Variants in HAL observed in about 807,000 individuals in gnomAD.
The protein encoded by HAL is histidine ammonia-lyase.
A neutral mutation model predicts 81.1 loss-of-function variants in HAL; 85 were observed. That is an observed-to-expected ratio of 1.05 (90% CI 0.88 to 1.25). The LOEUF (loss-of-function observed/expected upper bound fraction) is 1.25, where lower values mean the gene tolerates loss of function less well. HAL is among the 50% of genes most tolerant of loss of function. HAL has a pLI of 0.00. For missense variants in HAL, 798 were observed against 836.6 expected (o/e 0.95, Z 0.57); for synonymous variants, 301 against 309.2 (o/e 0.97, Z 0.28).
Position 95,995,905 on chromosome 12 carries a change from G to T in HAL, c.6C>A (p.Pro2=). Residue 2 remains proline (P), a synonymous_variant, in exon 2 of 21, where the codon CCC becomes CCA. Transcript: ENST00000261208. M[P]RYTVHVRGEW... ...CCCCACGTACGTGCACCGTGTATCT[G>T]GGCATGGCTCCGCTGCAGCCTGAGG... 6.2e-7 allele frequency: 1 copy of T among 1,603,858 alleles called. No individual in the cohort carries two copies.
chr12:95,981,056 T>C (rs1365792084), intron 15 of HAL, among the ~76,000 whole-genome samples, 193 bp from the exon 16 acceptor site: 1 of 152,198 alleles, frequency 6.6e-6, no homozygotes, highest in African/African-American at 2.4e-5. Context: ...AGGTGGATCA[T>C]GTACACCCAA....
At position 95,974,183 on chromosome 12, in the gene HAL, T is replaced by A. The variant is rs1315754208; in HGVS notation, c.*49A>T. 6.4e-7 allele frequency: 1 copy of A among 1,550,742 alleles called. No individual in the cohort carries two copies. Among genetic ancestry groups the A allele is most frequent in the Non-Finnish European group, 8.9e-7 (1 of 1,122,192 alleles). Reference sequence around the variant, plus strand: ...GTCTCTCCTTCAGCCTAGTATTGCTTTGTGCTAAACTGACTGCCCTCTCAT... The same window carrying A: ...GTCTCTCCTTCAGCCTAGTATTGCTATGTGCTAAACTGACTGCCCTCTCAT... On this transcript the variant is annotated 3_prime_UTR_variant, in exon 21 of 21. Coordinates refer to ENST00000261208, the MANE Select transcript of HAL (RefSeq NM_002108.4).
In HAL at chr12:95,995,950, G is replaced by T; in HGVS notation, c.-40C>A. On this transcript the variant is annotated 5_prime_UTR_variant, in exon 2 of 21. Coordinates refer to ENST00000261208, the MANE Select transcript of HAL (RefSeq NM_002108.4). ...CTGAGGTCCTCAGCTGGTCACAGGAGGGGAGAGCTTTATGCAGGAGTGGCT... is the reference window on the plus strand; with the variant it reads ...CTGAGGTCCTCAGCTGGTCACAGGATGGGAGAGCTTTATGCAGGAGTGGCT... The T allele has an allele frequency of 6.3e-7, 1 of 1,598,288 alleles. No homozygotes were observed. Among genetic ancestry groups the T allele is most frequent in the South Asian group, 1.1e-5 (1 of 90,644 alleles).
chr12:95,992,922 CCTCTCGG>C, intron 8 of HAL, 117 bp from the exon 9 acceptor site: 1 of 888,680 alleles, frequency 1.1e-6, no homozygotes, highest in Non-Finnish European at 1.8e-6. Context: ...ATTACCTTCT[CCTCTCGG>C]CTCAGGTAGT....
rs541534630 is a variant in HAL at position 95,989,496 on chromosome 12, T to C, written c.855+897A>G. 2.0e-5 allele frequency: 3 copies of C among 152,404 alleles called. No homozygotes were observed. In the East Asian group the frequency reaches 5.8e-4, roughly 29 times the overall value. The allele number at this position is 152,404 out of a possible 1,614,324, so 9.4% of individuals were successfully genotyped here. A position where few individuals can be genotyped will look rare whatever the true frequency, so the allele number is the denominator to read the frequency against. On this transcript the variant is annotated intron_variant, in intron 10 of 20. Coordinates refer to ENST00000261208, the MANE Select transcript of HAL (RefSeq NM_002108.4). ...TGTACCAGACCCTCTGCCCAGAACA[T>C]TCCTTCTCCAAGCAACCTCCAGTTT...
chr12:95,979,865 A>G (rs1436234372), intron 17 of HAL, among the ~76,000 whole-genome samples: 3 of 152,230 alleles, frequency 2.0e-5, no homozygotes, highest in Non-Finnish European at 4.4e-5. Context: ...TAACTCTCAG[A>G]TCTTCAGATA....
chr12:95,985,889 T>G lies in HAL; in HGVS notation c.1206+19A>C. The G allele has an allele frequency of 6.3e-7, 1 of 1,576,262 alleles. No individual in the cohort carries two copies. Among genetic ancestry groups the G allele is most frequent in the South Asian group, 1.1e-5 (1 of 89,030 alleles). On this transcript the variant is annotated intron_variant, in intron 14 of 20. Coordinates refer to ENST00000261208, the MANE Select transcript of HAL (RefSeq NM_002108.4). ...TTATTGGCATTTTTTATTGACCTTTTTTTTTTTCTTTATTTTACCTGTGGA... is the reference window on the plus strand; with the variant it reads ...TTATTGGCATTTTTTATTGACCTTTGTTTTTTTCTTTATTTTACCTGTGGA...
chr12:95,995,503 A>G (rs148470834), intron 2 of HAL, among the ~76,000 whole-genome samples, 161 bp downstream of exon 2: 160 of 152,342 alleles, frequency 1.1e-3, no homozygotes, highest in African/African-American at 3.7e-3. Flanking sequence ...GGGTTGTGTG[A>G]GGACTTAAGA....
At chr12:95,994,670 A>G in intron 4 of HAL, 128 bp downstream of exon 4, 1 of 946,826 alleles carries the variant, frequency 1.1e-6, no homozygotes, top group Non-Finnish European at 1.7e-6. Flanking sequence ...GACTACAGAC[A>G]TGAGTCACTG....
Position 95,995,645 on chromosome 12 carries a change from C to G in HAL, c.247+19G>C, listed in dbSNP as rs1299796142. The G allele has an allele frequency of 8.7e-6, 14 of 1,612,608 alleles. No homozygotes were observed. Among genetic ancestry groups the G allele is most frequent in the Non-Finnish European group, 1.1e-5 (13 of 1,180,016 alleles). ...GGCCAAACCGCACCCGTTCGCGGCC[C>G]TCTCCTGCAGCCACTCACCCACTTC... On this transcript the variant is annotated intron_variant, in intron 2 of 20. Transcript: ENST00000261208.
In HAL at chr12:95,987,069, G is replaced by T; in HGVS notation, c.1049C>A (p.Thr350Asn). 2 of 1,612,346 alleles carry T rather than the reference G, an allele frequency of 1.2e-6. No homozygotes were observed. The highest frequency in any genetic ancestry group is 1.7e-6 in the Non-Finnish European group (2 of 1,178,678). ...VLKGTTKAFD[T>N]DIHALRPHRG... ...CCAAAAGGAAGAACCCTGCTGACCA[G>T]TGTCAAAGGCTTTGGTGGTGCCCTT... The change falls in exon 12 of 21, where the codon ACT becomes AAT. Residue 350 changes from threonine (T) to asparagine (N), a missense_variant and splice_region_variant. Thr to Asn is a moderately conservative substitution (Grantham distance 65, BLOSUM62 0). Coordinates refer to ENST00000261208, the MANE Select transcript of HAL (RefSeq NM_002108.4).
At position 95,983,973 on chromosome 12, in the gene HAL, C is replaced by T. The variant is rs1346814525; in HGVS notation, c.1225G>A (p.Asp409Asn). 1.8e-5 allele frequency: 29 copies of T among 1,568,284 alleles called. No individual in the cohort carries two copies. In the Admixed American group the frequency reaches 4.7e-4, roughly 25 times the overall value. The change falls in exon 15 of 21, where the codon GAT (aspartate) becomes AAT (asparagine). Residue 409 changes from aspartate (D) to asparagine (N), a missense_variant. Physicochemically the swap from Asp to Asn is conservative, Grantham distance 23. Transcript: ENST00000261208. ...ATGTTCTTCACAAATGCTATTGTAT[C>T]ATTCACCACACCATGGACCTAAAAT... ...CCPQVHGVVN[D>N]TIAFVKNIIT...
chr12:95,986,614 A>T (rs147223675), intron 12 of HAL, among the ~76,000 whole-genome samples: 1 of 152,310 alleles, frequency 6.6e-6, no homozygotes, highest in East Asian at 1.9e-4. Context: ...AATTTAACTC[A>T]TTCACTTTTA....
intron 9 of HAL, among the ~76,000 whole-genome samples, chr12:95,990,974 G>A (rs1435063242): frequency 6.6e-6 from 1 of 152,204 alleles, no homozygotes; most frequent in Non-Finnish European, 1.5e-5. Flanking sequence ...GCCAAGTATG[G>A]TGGTGCATGC....
chr12:95,993,412 T>C (rs761698949), intron 8 of HAL, 39 bp downstream of exon 8: 1 of 1,339,862 alleles, frequency 7.5e-7, no homozygotes, highest in Non-Finnish European at 1.1e-6. Flanking sequence ...ATTCATCTAA[T>C]CACACAAGAT....
At chr12:95,984,426 C>T (rs536762325) in intron 14 of HAL, among the ~76,000 whole-genome samples, 11 of 152,236 alleles carry the variant, frequency 7.2e-5, no homozygotes, top group East Asian at 1.9e-4. Context: ...AGATGTGACT[C>T]GCAGAGATTA....
intron 9 of HAL, among the ~76,000 whole-genome samples, chr12:95,991,898 T>C (rs2136824379): frequency 6.6e-6 from 1 of 152,324 alleles, no homozygotes; most frequent in East Asian, 1.9e-4. Flanking sequence ...TGCTCTCCAC[T>C]CATTGGCAGA....
Position 95,995,246 on chromosome 12 carries a change from C to T in HAL, c.248-253G>A, listed in dbSNP as rs1185103093. ...CAGAATTCCACTTCCATCCCCATTCCCAGCTTTATTTTCTTCAAAATCTGA... is the reference window on the plus strand; with the variant it reads ...CAGAATTCCACTTCCATCCCCATTCTCAGCTTTATTTTCTTCAAAATCTGA... On this transcript the variant is annotated intron_variant, in intron 2 of 20. Coordinates refer to ENST00000261208, the MANE Select transcript of HAL (RefSeq NM_002108.4). The T allele has an allele frequency of 6.8e-6, 4 of 590,614 alleles. No individual in the cohort carries two copies. In the Admixed American group the frequency reaches 1.2e-4, roughly 17 times the overall value. 36.6% of individuals were successfully genotyped at this position (590,614 alleles called of 1,614,324 possible). A position where few individuals can be genotyped will look rare whatever the true frequency, so the allele number is the denominator to read the frequency against.
At chr12:95,988,674 C>T (rs1192769525) in intron 10 of HAL, among the ~76,000 whole-genome samples, 1 of 152,168 alleles carries the variant, frequency 6.6e-6, no homozygotes, top group African/African-American at 2.4e-5. Context: ...GTCCTCTAAC[C>T]TCATTAGTGC....
Sources: gnomAD v4.1 joint callset for allele counts (sites outside exome capture counted in the v4.1 genomes callset) on GRCh38, gnomAD v4.1.1 for gene constraint, MANE v1.5 for transcripts, NCBI Gene and HGNC (gene_info 2026-07-23, HGNC 2026-07-21) for gene names.